The following GNAS-AS1 variants were observed in gnomAD, a reference collection of about 807,000 sequenced individuals.
GNAS-AS1 encodes GNAS antisense RNA 1.
chr20:58,840,687 T>C lies in GNAS-AS1; in HGVS notation n.819+1250A>G. ...CAGAGCCCCAGGGAAGGGGAGGAGCTCAAGCCCGAGGACAAAGATCCAAGG... is the reference window on the plus strand; with the variant it reads ...CAGAGCCCCAGGGAAGGGGAGGAGCCCAAGCCCGAGGACAAAGATCCAAGG... On this transcript the variant is annotated intron_variant and non_coding_transcript_variant, in intron 4 of 4. Coordinates refer to ENST00000424094, the Ensembl canonical transcript of GNAS-AS1. The surrounding 1 kb of genome is among the most constrained non-coding windows in gnomAD (Gnocchi z 6.0). The C allele has an allele frequency of 1.2e-6, 2 of 1,603,650 alleles. No individual in the cohort carries two copies. Among genetic ancestry groups the C allele is most frequent in the South Asian group, 1.1e-5 (1 of 90,988 alleles).
chr20:58,839,401 T>C (rs985597528), intron 4 of GNAS-AS1: 3 of 399,554 alleles, frequency 7.5e-6, no homozygotes, highest in Admixed American at 8.7e-5. Context: ...TTTGGGGTTC[T>C]GGGTTTTTAG....
At chr20:58,836,945 T>C (rs1373206668) in intron 4 of GNAS-AS1, among the ~76,000 whole-genome samples, 2 of 152,178 alleles carry the variant, frequency 1.3e-5, no homozygotes, top group Admixed American at 6.5e-5. Context: ...AGTCCAAATA[T>C]ATGTATTATG....
At position 58,840,786 on chromosome 20, in the gene GNAS-AS1, G is replaced by A. The variant is rs79709641; in HGVS notation, n.819+1151C>T. 2.5e-6 allele frequency: 4 copies of A among 1,611,578 alleles called. No homozygotes were observed. The highest frequency in any genetic ancestry group is 1.7e-4 in the Middle Eastern group (1 of 6,060). ...TGCAAGCCAAAGAAGCCCACCCGCCGTGACGCGTCCCCGGAGTCCCCTTCC... is the reference window on the plus strand; with the variant it reads ...TGCAAGCCAAAGAAGCCCACCCGCCATGACGCGTCCCCGGAGTCCCCTTCC... On this transcript the variant is annotated intron_variant and non_coding_transcript_variant, in intron 4 of 4. Transcript: ENST00000424094. The surrounding 1 kb of genome is among the most constrained non-coding windows in gnomAD (Gnocchi z 6.0).
chr20:58,823,211 T>C (rs1320253055), intron 4 of GNAS-AS1, among the ~76,000 whole-genome samples: 3 of 152,218 alleles, frequency 2.0e-5, no homozygotes, highest in Non-Finnish European at 2.9e-5. Flanking sequence ...TGTCCAGCCT[T>C]GGCGTATAGA....
chr20:58,840,115 G>T lies in GNAS-AS1; in HGVS notation n.819+1822C>A. On this transcript the variant is annotated intron_variant and non_coding_transcript_variant, in intron 4 of 4. Coordinates refer to ENST00000424094, the Ensembl canonical transcript of GNAS-AS1. The surrounding 1 kb of genome is among the most constrained non-coding windows in gnomAD (Gnocchi z 6.0). ...GGTGTGTGCCTAAGAGGATGGATCGGAGGTCCCGGGCTCAGCAGTGGCGCC... is the reference window on the plus strand; with the variant it reads ...GGTGTGTGCCTAAGAGGATGGATCGTAGGTCCCGGGCTCAGCAGTGGCGCC... The T allele has an allele frequency of 6.2e-7, 1 of 1,611,214 alleles. No individual in the cohort carries two copies.
chr20:58,826,808 G>T (rs6070629), intron 4 of GNAS-AS1: 109,709 of 148,972 alleles, frequency 0.74, 40,767 homozygotes, highest in East Asian at 0.8. Flanking sequence ...CAAGCAATTC[G>T]CCTGCCTCAG....
Position 58,841,368 on chromosome 20 carries a change from G to C in GNAS-AS1, n.819+569C>G. The C allele has an allele frequency of 9.8e-7, 1 of 1,025,166 alleles. No individual in the cohort carries two copies. The highest frequency in any genetic ancestry group is 1.2e-6 in the Non-Finnish European group (1 of 854,126). The allele number at this position is 1,025,166 out of a possible 1,614,324, so 63.5% of individuals were successfully genotyped here. Reference sequence around the variant, plus strand: ...GCAGCCGCGCTGTAGAGACACCGTTGAAATGTGCGGAAAGTAATCTGAATG... The same window carrying C: ...GCAGCCGCGCTGTAGAGACACCGTTCAAATGTGCGGAAAGTAATCTGAATG... On this transcript the variant is annotated intron_variant and non_coding_transcript_variant, in intron 4 of 4. Transcript: ENST00000424094. This position sits in a 1 kb window ranked among gnomAD's most constrained non-coding sequence, Gnocchi z 5.0.
intron 4 of GNAS-AS1, chr20:58,839,311 C>G: frequency 2.5e-6 from 1 of 398,666 alleles, no homozygotes; most frequent in Non-Finnish European, 4.4e-6. Flanking sequence ...TTACCATCCT[C>G]AAACTATTAA....
Position 58,834,961 on chromosome 20 carries a change from G to A in GNAS-AS1, n.819+6976C>T, listed in dbSNP as rs534319399. Among the ~76,000 whole-genome samples the A allele has an allele frequency of 1.3e-4, 20 of 152,300 alleles. 1 individual carries two copies. In the South Asian group the frequency reaches 3.9e-3, roughly 30 times the overall value. ...GCATTCCCCCAAATCTCAAAATCAG[G>A]AGCTCGAGGTTTTCACCATTTCTAC... On this transcript the variant is annotated intron_variant and non_coding_transcript_variant, in intron 4 of 4. Coordinates refer to ENST00000424094, the Ensembl canonical transcript of GNAS-AS1.
intron 2 of GNAS-AS1, among the ~76,000 whole-genome samples, chr20:58,842,774 G>A (rs1025608642): frequency 1.3e-5 from 2 of 152,168 alleles, no homozygotes; most frequent in African/African-American, 2.4e-5. Context: ...CAAGCAAAAT[G>A]TCTCTAGGGA....
intron 4 of GNAS-AS1, among the ~76,000 whole-genome samples, chr20:58,838,547 C>T (rs1219794624): frequency 6.6e-6 from 1 of 152,110 alleles, no homozygotes; most frequent in Non-Finnish European, 1.5e-5. Flanking sequence ...TTGTTCACTA[C>T]TCTACCTTCA....
At chr20:58,830,455 TCACCAC>T (rs1426195457) in intron 4 of GNAS-AS1, among the ~76,000 whole-genome samples, 1 of 15,272 alleles carries the variant, frequency 6.5e-5, no homozygotes, top group South Asian at 2.3e-3. Flanking sequence ...ACCACCACCA[TCACCAC>T]CACCACACCA....
intron 4 of GNAS-AS1, among the ~76,000 whole-genome samples, chr20:58,835,414 G>T (rs570530317): frequency 1.3e-5 from 2 of 151,924 alleles, no homozygotes; most frequent in Non-Finnish European, 2.9e-5. Flanking sequence ...TCTCCCCCAG[G>T]GCCACTGGCA....
At chr20:58,843,950 TG>T (rs761026921) in intron 2 of GNAS-AS1, 4 of 152,234 alleles carry the variant, frequency 2.6e-5, no homozygotes, top group Non-Finnish European at 5.9e-5. Flanking sequence ...TGTTTTGAGA[TG>T]TTTCTTTAAT....
At chr20:58,850,393 G>T (rs1179903470) in intron 1 of GNAS-AS1, 1 of 397,148 alleles carries the variant, frequency 2.5e-6, no homozygotes, top group Non-Finnish European at 4.4e-6. Flanking sequence ...ACCCATGAGG[G>T]TGTCGAACAG....
At chr20:58,832,910 TCA>T (rs1438753123) in intron 4 of GNAS-AS1, among the ~76,000 whole-genome samples, 1 of 152,232 alleles carries the variant, frequency 6.6e-6, no homozygotes, top group Non-Finnish European at 1.5e-5. Context: ...TGGTCAAAAA[TCA>T]CACTTTGGAA....
intron 4 of GNAS-AS1, among the ~76,000 whole-genome samples, chr20:58,831,003 T>C (rs1178371523): frequency 6.6e-6 from 1 of 152,044 alleles, no homozygotes; most frequent in Non-Finnish European, 1.5e-5. Context: ...CTACACACTT[T>C]CAGAGGACAA....
intron 4 of GNAS-AS1, chr20:58,836,395 G>A (rs551640017): frequency 6.6e-6 from 1 of 152,212 alleles, no homozygotes; most frequent in Admixed American, 6.5e-5. Context: ...TAAATCTTAA[G>A]GCCTCTTCCA....
At chr20:58,847,974 G>A (rs1025086829) in intron 2 of GNAS-AS1, among the ~76,000 whole-genome samples, 2 of 152,206 alleles carry the variant, frequency 1.3e-5, no homozygotes, top group Admixed American at 6.5e-5. Context: ...CATCACGTGC[G>A]GCTTCCAAGG....
Sources: allele counts gnomAD v4.1 joint callset (sites outside exome capture counted in the v4.1 genomes callset), GRCh38; gene constraint gnomAD v4.1.1; non-coding constraint Gnocchi (gnomAD v3.1); transcripts MANE v1.5; gene names NCBI Gene and HGNC (gene_info 2026-07-23, HGNC 2026-07-21).